The following CXADR variants were observed in gnomAD, a reference collection of about 807,000 sequenced individuals.
The protein encoded by CXADR is coxsackievirus and adenovirus receptor.
In CXADR, 20 loss-of-function variants were observed where a neutral mutation model predicts 40.3. That is an observed-to-expected ratio of 0.50 (90% confidence interval 0.35 to 0.72). The LOEUF is 0.72. Ranked by LOEUF, CXADR falls within the 30% of genes least tolerant of loss-of-function variation. The pLI is 0.01. For missense variants in CXADR, 332 were observed against 449.1 expected, an observed-to-expected ratio of 0.74 and a Z score of 2.36; for synonymous variants, 150 against 161.3, an observed-to-expected ratio of 0.93 and a Z score of 0.53.
chr21:17,515,122 C>T (rs191498897), intron 1 of CXADR, among the ~76,000 whole-genome samples: 2 of 106,474 alleles, frequency 1.9e-5, no homozygotes, highest in African/African-American at 7.5e-5. Flanking sequence ...AGGCAACTAT[C>T]TTTATTCCAG....
intron 1 of CXADR, among the ~76,000 whole-genome samples, chr21:17,530,231 C>CT (rs2060655502): frequency 6.7e-6 from 1 of 150,320 alleles, no homozygotes; most frequent in South Asian, 2.1e-4. Context: ...TCCCAAAGTG[C>CT]TGGGATTACA....
intron 1 of CXADR, among the ~76,000 whole-genome samples, chr21:17,518,004 G>A (rs1251972724): frequency 6.6e-6 from 1 of 152,140 alleles, no homozygotes; most frequent in African/African-American, 2.4e-5. Context: ...AGAAGTGTAT[G>A]AAAAATATGA....
At position 17,569,563 on chromosome 21, in the gene CXADR, A is replaced by G; in HGVS notation, c.*3871A>G. 1.0e-6 allele frequency: 1 copy of G among 985,294 alleles called. No homozygotes were observed. The highest frequency in any genetic ancestry group is 1.2e-6 in the Non-Finnish European group (1 of 829,846). The allele number at this position is 985,294 out of a possible 1,614,324, so 61.0% of individuals were successfully genotyped here. ...AACTGAGCACAAATTCCTTTTATAA[A>G]TGTTATAGAAGCAGGGAAGAATAAT... On this transcript the variant is annotated 3_prime_UTR_variant, in exon 7 of 7. Coordinates refer to ENST00000284878, the MANE Select transcript of CXADR (RefSeq NM_001338.5).
the CXADR span, among the ~76,000 whole-genome samples, chr21:17,615,410 G>T: frequency 1.3e-5 from 2 of 152,112 alleles, no homozygotes; most frequent in Non-Finnish European, 2.9e-5. Flanking sequence ...CCTTATCCAC[G>T]GTAGGATATG....
chr21:17,621,171 A>G, the CXADR span, among the ~76,000 whole-genome samples: 1 of 152,352 alleles, frequency 6.6e-6, no homozygotes, highest in African/African-American at 2.4e-5. Context: ...GTTGACGCAT[A>G]CAATCAACCA....
chr21:17,585,378 G>T (rs553335631), intron 7 of CXADR, among the ~76,000 whole-genome samples: 1 of 151,946 alleles, frequency 6.6e-6, no homozygotes, highest in African/African-American at 2.4e-5. Context: ...CCATGTTTTC[G>T]AATTGTGTGA....
intron 1 of CXADR, among the ~76,000 whole-genome samples, chr21:17,518,170 G>T (rs904435128): frequency 1.6e-4 from 25 of 152,112 alleles, no homozygotes; most frequent in African/African-American, 4.8e-4. Flanking sequence ...GGGGAGGGAG[G>T]AGGATAAATA....
Position 17,566,603 on chromosome 21 carries a change from T to C in CXADR, c.*911T>C, listed in dbSNP as rs1031913996. 5.1e-6 allele frequency: 5 copies of C among 982,178 alleles called. No homozygotes were observed. The highest frequency in any genetic ancestry group is 9.4e-5 in the South Asian group (2 of 21,224). 60.8% of individuals were successfully genotyped at this position (982,178 alleles called of 1,614,324 possible). A position where few individuals can be genotyped will look rare whatever the true frequency, so the allele number is the denominator to read the frequency against. ...TAACTCATTTGTTGTTTGACACTTA[T>C]AGATTGAAATTTCCTAATTTATTCT... On this transcript the variant is annotated 3_prime_UTR_variant, in exon 7 of 7. Transcript: ENST00000284878.
intron 1 of CXADR, among the ~76,000 whole-genome samples, chr21:17,528,531 G>A (rs1441692155): frequency 5.3e-5 from 8 of 151,652 alleles, no homozygotes; most frequent in South Asian, 2.1e-4. Context: ...TCAGCCTCCC[G>A]AGTAGCTGGG....
At chr21:17,515,432 A>T (rs112908850) in intron 1 of CXADR, among the ~76,000 whole-genome samples, 3,395 of 151,818 alleles carry the variant, frequency 0.022, 137 homozygotes, top group African/African-American at 0.075. Context: ...TGGGCGACAG[A>T]GTGAGACTCT....
At chr21:17,554,560 G>A (rs536023698) in intron 3 of CXADR, among the ~76,000 whole-genome samples, 2 of 152,134 alleles carry the variant, frequency 1.3e-5, no homozygotes, top group African/African-American at 4.8e-5. Context: ...AAGTAGGGAC[G>A]ACTGGAACTC....
At chr21:17,518,969 G>A (rs930608962) in intron 1 of CXADR, 10 of 1,608,900 alleles carry the variant, frequency 6.2e-6, no homozygotes, top group Admixed American at 5.0e-5. Context: ...TGAGCCTGAA[G>A]TTTGGCTAAC....
intron 3 of CXADR, among the ~76,000 whole-genome samples, chr21:17,552,955 C>T (rs2060987742): frequency 1.3e-5 from 2 of 152,156 alleles, no homozygotes; most frequent in South Asian, 2.1e-4. Context: ...TGGAGTCACA[C>T]TCTGTTACCC....
the CXADR span, among the ~76,000 whole-genome samples, chr21:17,621,574 G>A: frequency 6.6e-6 from 1 of 152,158 alleles, no homozygotes; most frequent in African/African-American, 2.4e-5. Flanking sequence ...CCAAGAGATG[G>A]GACCTTTAGA....
At chr21:17,586,403 A>G (rs936813681) in intron 7 of CXADR, among the ~76,000 whole-genome samples, 7 of 145,260 alleles carry the variant, frequency 4.8e-5, no homozygotes, top group East Asian at 2.6e-4. Flanking sequence ...TATAATGTGT[A>G]TATATATATA....
At chr21:17,533,506 C>T (rs1002757388) in intron 1 of CXADR, among the ~76,000 whole-genome samples, 5 of 152,170 alleles carry the variant, frequency 3.3e-5, no homozygotes, top group African/African-American at 7.2e-5. Context: ...CAGAATCAGT[C>T]GGCCTAGATT....
intron 7 of CXADR, among the ~76,000 whole-genome samples, chr21:17,576,416 A>G (rs1315721739): frequency 1.3e-5 from 2 of 152,122 alleles, no homozygotes; most frequent in Admixed American, 1.3e-4. Flanking sequence ...ATCTATCCCA[A>G]TTTTTATGGG....
At chr21:17,563,663 C>A (rs185110498) in intron 6 of CXADR, among the ~76,000 whole-genome samples, 1 of 151,898 alleles carries the variant, frequency 6.6e-6, no homozygotes, top group East Asian at 1.9e-4. Flanking sequence ...TACTGGTGGC[C>A]GGGCACGGTG....
chr21:17,569,730 C>CAT lies in CXADR; in HGVS notation c.*4041_*4042dup. ...TATTTTATAATTTAAGAATATAGTA[C>CAT]ATATCAGTTGGGTTTGGTTTTGGTC... On this transcript the variant is annotated 3_prime_UTR_variant, in exon 7 of 7. Transcript: ENST00000284878. 1 of 967,786 alleles carries CAT rather than the reference C, an allele frequency of 1.0e-6. No individual in the cohort carries two copies. Among genetic ancestry groups the CAT allele is most frequent in the Non-Finnish European group, 1.2e-6 (1 of 814,204 alleles). 59.9% of individuals were successfully genotyped at this position (967,786 alleles called of 1,614,324 possible). A position where few individuals can be genotyped will look rare whatever the true frequency, so the allele number is the denominator to read the frequency against.
Sources: allele counts gnomAD v4.1 joint callset (sites outside exome capture counted in the v4.1 genomes callset), GRCh38; gene constraint gnomAD v4.1.1; transcripts MANE v1.5; gene names NCBI Gene and HGNC (gene_info 2026-07-23, HGNC 2026-07-21).